The following SUCO variants were observed in gnomAD, a reference collection of about 807,000 sequenced individuals.
SUCO encodes the protein SUN domain-containing ossification factor.
SUCO carries 57 observed loss-of-function variants against 148.1 expected under a neutral mutation model. That is an observed-to-expected ratio of 0.38 (90% CI 0.31 to 0.48). SUCO has a LOEUF of 0.48. Ranked by LOEUF, SUCO falls within the 20% of genes least tolerant of loss-of-function variation. SUCO has a pLI of 0.96. For missense variants in SUCO, 1,331 were observed against 1,468.2 expected (o/e 0.91, Z 1.53); for synonymous variants, 470 against 502.7 (o/e 0.93, Z 0.87).
chr1:172,589,268 C>A lies in SUCO; in HGVS notation c.2167C>A (p.Pro723Thr). The change falls in exon 18 of 24, where the codon CCA (proline) becomes ACA (threonine). Residue 723 changes from proline to threonine, a missense_variant. Around this residue, in one of 3 missense-constraint regions of SUCO, gnomAD observed 992 missense variants for 1,093.5 expected, o/e 0.91. Transcript: ENST00000263688. ...CACTGTAGATGCAGTTGAACTTGAA[C>A]CAAGCCATTCTCAAACTCTTTCTCA... Reference protein sequence around the residue: ...NHTVDAVELEPSHSQTLSQSL... With the variant: ...NHTVDAVELETSHSQTLSQSL... 1 of 1,613,774 alleles carries A rather than the reference C, an allele frequency of 6.2e-7. No individual in the cohort carries two copies. Among genetic ancestry groups the A allele is most frequent in the Non-Finnish European group, 8.5e-7 (1 of 1,179,846 alleles).
At chr1:172,602,363 C>T (rs1341856509) in intron 21 of SUCO, 145 bp downstream of exon 21, 7 of 1,416,338 alleles carry the variant, frequency 4.9e-6, no homozygotes, top group Admixed American at 2.9e-5. Context: ...AAACATCATT[C>T]GATAGTAAGA....
chr1:172,542,499 G>C (rs370846031), intron 1 of SUCO, among the ~76,000 whole-genome samples: 83 of 152,320 alleles, frequency 5.4e-4, no homozygotes, highest in African/African-American at 2.0e-3. Flanking sequence ...CACAACAGGA[G>C]GTGAACAGCA....
intron 10 of SUCO, chr1:172,574,921 A>G: frequency 1.0e-6 from 1 of 984,344 alleles, no homozygotes; most frequent in Non-Finnish European, 1.2e-6. Context: ...TTTTTCTCTC[A>G]GCTGCAATTT....
chr1:172,550,362 GT>G (rs1653200408), intron 1 of SUCO, among the ~76,000 whole-genome samples: 1 of 151,934 alleles, frequency 6.6e-6, no homozygotes, highest in Non-Finnish European at 1.5e-5. Flanking sequence ...TTCTTGCCAA[GT>G]TTCTATCTGG....
At position 172,600,121 on chromosome 1, in the gene SUCO, C is replaced by G. The variant is rs1215179333; in HGVS notation, c.2971C>G (p.Gln991Glu). 6.2e-7 allele frequency: 1 copy of G among 1,611,180 alleles called. No homozygotes were observed. Among genetic ancestry groups the G allele is most frequent in the African/African-American group, 1.3e-5 (1 of 74,766 alleles). Residue 991 changes from glutamine (Q) to glutamate (E), a missense_variant, in exon 20 of 24, where the codon CAG becomes GAG. Around this residue, in one of 3 missense-constraint regions of SUCO, gnomAD observed 334 missense variants for 352.3 expected, o/e 0.95. Coordinates refer to ENST00000263688, the MANE Select transcript of SUCO (RefSeq NM_014283.5). ...ACAGGCACAGCTGACCAACATGACA[C>G]AGCTTGTTTCAAATTTATCAGCAAC... ...LLQAQLTNMTQLVSNLSATVA... is the reference protein window; with the variant it reads ...LLQAQLTNMTELVSNLSATVA...
chr1:172,532,355 GT>G (rs1460930992), upstream of SUCO: 6 of 765,358 alleles, frequency 7.8e-6, no homozygotes, highest in African/African-American at 1.8e-5. Context: ...AGAACCCAAA[GT>G]TCGAAACCAA....
rs1656433159 is a variant in SUCO, at chr1:172,589,049, A to C, written c.1948A>C (p.Thr650Pro). The C allele has an allele frequency of 6.2e-7, 1 of 1,613,728 alleles. No individual in the cohort carries two copies. ...TGCTCTTTATCGGCAGCGCAGCCGA[A>C]CTGCTTTGAGTAAAGGAAAAGATTA... is the stretch of plus-strand genomic sequence containing the variant. ...RVALYRQRSR[T>P]ALSKGKDYLV... Residue 650 changes from threonine (T) to proline (P), a missense_variant, in exon 18 of 24, where the codon ACT becomes CCT. Around this residue, in one of 3 missense-constraint regions of SUCO, gnomAD observed 992 missense variants for 1,093.5 expected, o/e 0.91. Transcript: ENST00000263688.
intron 19 of SUCO, among the ~76,000 whole-genome samples, chr1:172,592,170 A>T (rs538595019): frequency 1.2e-4 from 19 of 152,052 alleles, no homozygotes; most frequent in Non-Finnish European, 2.8e-4. Flanking sequence ...TAGATTCTGG[A>T]TATTAGCCCT....
chr1:172,607,957 C>G (rs1392599236), intron 22 of SUCO: 1 of 336,386 alleles, frequency 3.0e-6, no homozygotes. Context: ...AAGCTTTTGT[C>G]TCTGTCAGAC....
chr1:172,592,836 G>A (rs1005025250), intron 19 of SUCO, among the ~76,000 whole-genome samples: 2 of 152,144 alleles, frequency 1.3e-5, no homozygotes, highest in Admixed American at 6.5e-5. Context: ...GGCTTGATGG[G>A]GATAGCATTG....
intron 1 of SUCO, chr1:172,543,039 TA>T (rs368459576): frequency 0.15 from 119,249 of 778,704 alleles, 2,863 homozygotes; most frequent in Non-Finnish European, 0.17. Flanking sequence ...GAAGAGTACA[TA>T]AAAAAAAAAA....
chr1:172,578,287 G>T lies in SUCO; in HGVS notation c.1341-11G>T, dbSNP rs1267945670. The T allele has an allele frequency of 6.3e-7, 1 of 1,584,890 alleles. No homozygotes were observed. Among genetic ancestry groups the T allele is most frequent in the African/African-American group, 1.3e-5 (1 of 74,448 alleles). On this transcript the variant is annotated splice_polypyrimidine_tract_variant and intron_variant, in intron 13 of 23. Transcript: ENST00000263688. The stretch of plus-strand genomic sequence containing the variant: ...TGTTTTGGAAGTCTTTAATGAAATT[G>T]TTGTTGATAGGGTATTTGGCACTAG...
At chr1:172,543,184 A>G (rs1652616799) in intron 1 of SUCO, 1 of 202,908 alleles carries the variant, frequency 4.9e-6, no homozygotes, top group African/African-American at 2.4e-5. Context: ...CTTGAAGGAT[A>G]AAACTTTAAA....
intron 6 of SUCO, among the ~76,000 whole-genome samples, chr1:172,561,294 G>A (rs962051780): frequency 2.6e-5 from 4 of 152,164 alleles, no homozygotes; most frequent in Admixed American, 1.3e-4. Flanking sequence ...TCATTCAGTG[G>A]GGGGAGTTCA....
chr1:172,556,548 T>G, intron 4 of SUCO: 1 of 942,650 alleles, frequency 1.1e-6, no homozygotes, highest in Non-Finnish European at 1.3e-6. Flanking sequence ...AAACAAAATG[T>G]CCTTCTCTTA....
chr1:172,545,853 G>A (rs1353774553), intron 1 of SUCO, among the ~76,000 whole-genome samples: 1 of 152,158 alleles, frequency 6.6e-6, no homozygotes, highest in East Asian at 1.9e-4. Flanking sequence ...TTGATACTGA[G>A]TTGAGGCATA....
chr1:172,561,131 T>TCA (rs1310621179), intron 6 of SUCO, among the ~76,000 whole-genome samples: 2 of 152,258 alleles, frequency 1.3e-5, no homozygotes, highest in African/African-American at 4.8e-5. Flanking sequence ...ATTGGTATCT[T>TCA]GGCAGCTAGA....
At chr1:172,606,325 T>C (rs1459184258) in intron 22 of SUCO, among the ~76,000 whole-genome samples, 4 of 151,450 alleles carry the variant, frequency 2.6e-5, no homozygotes, top group Admixed American at 2.6e-4. Flanking sequence ...GATTTTTTAT[T>C]GGGGAGGAAG....
At chr1:172,574,806 C>A (rs767629760) in intron 10 of SUCO, 6 of 757,450 alleles carry the variant, frequency 7.9e-6, no homozygotes, top group Non-Finnish European at 9.7e-6. Context: ...GGTGTTTCTT[C>A]CTCCACCTCA....
Sources: gnomAD v4.1 joint callset for allele counts (sites outside exome capture counted in the v4.1 genomes callset) on GRCh38, gnomAD v4.1.1 for gene constraint, gnomAD v4.1.1 regional missense constraint, MANE v1.5 for transcripts, NCBI Gene and HGNC (gene_info 2026-07-23, HGNC 2026-07-21) for gene names.